SAMD5: variants seen among roughly 807,000 people sequenced by gnomAD.
The protein encoded by SAMD5 is sterile alpha motif domain containing 5.
A neutral mutation model predicts 11.3 loss-of-function variants in SAMD5; 13 were observed. That is an observed-to-expected ratio of 1.15 (90% CI 0.75 to 1.83). The LOEUF (loss-of-function observed/expected upper bound fraction) is 1.83, where lower values mean the gene tolerates loss of function less well. SAMD5 is among the 40% of genes most tolerant of loss of function. The pLI, the probability that SAMD5 is intolerant of heterozygous loss-of-function variation, is 0.00. For missense variants in SAMD5, 255 were observed against 239.1 expected, an observed-to-expected ratio of 1.07 and a Z score of -0.44; for synonymous variants, 129 against 111.3, an observed-to-expected ratio of 1.16 and a Z score of -1.00.
the SAMD5 span, among the ~76,000 whole-genome samples, chr6:147,811,374 G>C: frequency 2.6e-5 from 4 of 152,176 alleles, no homozygotes; most frequent in Non-Finnish European, 4.4e-5. Context: ...GAGTATAGCA[G>C]AAGAAAAGGT....
the SAMD5 span, among the ~76,000 whole-genome samples, chr6:147,944,334 C>T: frequency 2.0e-5 from 3 of 152,116 alleles, no homozygotes; most frequent in Non-Finnish European, 4.4e-5. Flanking sequence ...ACAATCATGG[C>T]GAAGGAAAGG....
chr6:147,951,044 G>T, the SAMD5 span, among the ~76,000 whole-genome samples: 1 of 151,100 alleles, frequency 6.6e-6, no homozygotes, highest in East Asian at 1.9e-4. Flanking sequence ...AGAGCAAATA[G>T]GACTTAAAAA....
chr6:147,741,079 A>G (rs1791873124), downstream of SAMD5, among the ~76,000 whole-genome samples: 1 of 152,204 alleles, frequency 6.6e-6, no homozygotes, highest in Non-Finnish European at 1.5e-5. Context: ...ATTGTGTCTC[A>G]GGTACTTCTT....
chr6:147,583,961 A>G (rs1569669), intron 1 of SAMD5, among the ~76,000 whole-genome samples: 12,380 of 152,146 alleles, frequency 0.081, 848 homozygotes, highest in East Asian at 0.29. Context: ...ATAAATAAAA[A>G]TGTTCATTTA....
At chr6:147,514,530 T>C (rs1367403860) in intron 1 of SAMD5, among the ~76,000 whole-genome samples, 1 of 151,950 alleles carries the variant, frequency 6.6e-6, no homozygotes, top group African/African-American at 2.4e-5. Flanking sequence ...CATTCACATA[T>C]TCGTGCTGTA....
chr6:147,893,383 G>A, the SAMD5 span, among the ~76,000 whole-genome samples: 3 of 152,226 alleles, frequency 2.0e-5, no homozygotes, highest in Non-Finnish European at 4.4e-5. Flanking sequence ...GCCAGAATCT[G>A]ACTCCCGAGC....
rs560369318 is a variant in SAMD5, at chr6:147,514,379, T to C, written c.459+4992T>C. ...AAGGATTAGAGGTTTAAGGAGAACA[T>C]TGTATTAATATAGAAATGTTAGATG... is the stretch of plus-strand genomic sequence containing the variant. On this transcript the variant is annotated intron_variant, in intron 1 of 1. Coordinates refer to ENST00000367474, the MANE Select transcript of SAMD5 (RefSeq NM_001030060.3). 4.6e-5 allele frequency among the ~76,000 whole-genome samples: 7 copies of C among 151,894 alleles called. No homozygotes were observed. In the East Asian group the frequency reaches 1.4e-3, roughly 30 times the overall value.
At chr6:147,509,457 A>G (rs1788054314) in intron 1 of SAMD5, 70 bp downstream of exon 1, 22 of 1,392,056 alleles carry the variant, frequency 1.6e-5, no homozygotes, top group Non-Finnish European at 2.1e-5. Flanking sequence ...GCCTGTGCCA[A>G]GGCTTTGCAA....
intron 1 of SAMD5, among the ~76,000 whole-genome samples, chr6:147,724,615 C>T (rs1286136835): frequency 1.3e-5 from 2 of 152,102 alleles, no homozygotes; most frequent in Admixed American, 6.5e-5. Context: ...CTTATCCTGG[C>T]CCCCTGTGGA....
At chr6:147,633,248 A>G (rs1458572254) in intron 1 of SAMD5, among the ~76,000 whole-genome samples, 1 of 152,178 alleles carries the variant, frequency 6.6e-6, no homozygotes, top group Non-Finnish European at 1.5e-5. Context: ...TGTAGTAATT[A>G]CTTTAGATAA....
At chr6:147,856,919 T>TA in the SAMD5 span, among the ~76,000 whole-genome samples, 1 of 151,380 alleles carries the variant, frequency 6.6e-6, no homozygotes, top group Non-Finnish European at 1.5e-5. Flanking sequence ...CATCCTGTGT[T>TA]AATGTGAATT....
intron 1 of SAMD5, among the ~76,000 whole-genome samples, chr6:147,684,407 G>A (rs941228246): frequency 1.3e-5 from 2 of 152,144 alleles, no homozygotes; most frequent in Non-Finnish European, 2.9e-5. Flanking sequence ...ACTATGCACA[G>A]TGTTGTATAT....
chr6:147,548,397 A>G (rs1354306209), intron 1 of SAMD5, among the ~76,000 whole-genome samples: 1 of 152,176 alleles, frequency 6.6e-6, no homozygotes, highest in African/African-American at 2.4e-5. Flanking sequence ...GAAATTGTCT[A>G]TGTTACATGT....
At chr6:147,697,246 G>A (rs949885073) in intron 1 of SAMD5, among the ~76,000 whole-genome samples, 12 of 152,326 alleles carry the variant, frequency 7.9e-5, no homozygotes, top group African/African-American at 2.9e-4. Flanking sequence ...GGAGATGGGA[G>A]CTCAGTCTCA....
the SAMD5 span, among the ~76,000 whole-genome samples, chr6:147,802,983 A>G: frequency 6.6e-6 from 1 of 152,256 alleles, no homozygotes; most frequent in Non-Finnish European, 1.5e-5. Flanking sequence ...AGCATTTGCT[A>G]AAAGTCATCA....
At chr6:147,910,319 C>T in the SAMD5 span, among the ~76,000 whole-genome samples, 1 of 152,014 alleles carries the variant, frequency 6.6e-6, no homozygotes, top group Admixed American at 6.6e-5. Flanking sequence ...GGAGAAGATG[C>T]TTCCTGACGT....
At chr6:147,670,166 A>G (rs1562347773) in intron 1 of SAMD5, among the ~76,000 whole-genome samples, 1 of 152,216 alleles carries the variant, frequency 6.6e-6, no homozygotes, top group Non-Finnish European at 1.5e-5. Context: ...ATATTTTGAA[A>G]GGATTTTTTT....
At chr6:147,729,667 C>T in intron 1 of SAMD5, 2 of 409,352 alleles carry the variant, frequency 4.9e-6, no homozygotes, top group Non-Finnish European at 9.8e-6. Context: ...AGGGAGGACT[C>T]AAAGAGAAGG....
chr6:147,743,963 G>A, the SAMD5 span, among the ~76,000 whole-genome samples: 1 of 152,166 alleles, frequency 6.6e-6, no homozygotes, highest in Non-Finnish European at 1.5e-5. Flanking sequence ...GGCTTTCTGG[G>A]TGGGGTTCAT....
Sources: allele counts gnomAD v4.1 joint callset (sites outside exome capture counted in the v4.1 genomes callset), GRCh38; gene constraint gnomAD v4.1.1; transcripts MANE v1.5; gene names NCBI Gene and HGNC (gene_info 2026-07-23, HGNC 2026-07-21).